The following CPED1 variants were observed in gnomAD, a reference collection of about 807,000 sequenced individuals.
The protein encoded by CPED1 is cadherin like and PC-esterase domain containing 1.
CPED1 carries 114 observed loss-of-function variants against 128.2 expected under a neutral mutation model. That is an observed-to-expected ratio of 0.89 (90% CI 0.76 to 1.04). The LOEUF (loss-of-function observed/expected upper bound fraction) is 1.04, where lower values mean the gene tolerates loss of function less well. CPED1 is among the 50% of genes least tolerant of loss of function. The pLI, the probability that CPED1 is intolerant of heterozygous loss-of-function variation, is 0.00. For synonymous variants in CPED1, 462 were observed against 426.7 expected (o/e 1.08, Z -1.02); for missense variants, 1,211 against 1,207.1 (o/e 1.00, Z -0.05).
chr7:121,236,917 A>T (rs1161937870), intron 17 of CPED1, 86 bp downstream of exon 17: 2 of 595,530 alleles, frequency 3.4e-6, no homozygotes, highest in East Asian at 3.0e-5. Context: ...ATCCTTTTAT[A>T]AAAAAACAAG....
At chr7:121,034,490 C>G (rs542471403) in intron 3 of CPED1, among the ~76,000 whole-genome samples, 2 of 152,148 alleles carry the variant, frequency 1.3e-5, no homozygotes, top group South Asian at 4.2e-4. Context: ...TCGTGATCTG[C>G]CCGCCTCTGC....
At chr7:121,109,504 A>G (rs1795055637) in intron 7 of CPED1, among the ~76,000 whole-genome samples, 2 of 152,140 alleles carry the variant, frequency 1.3e-5, no homozygotes, top group African/African-American at 2.4e-5. Flanking sequence ...TTATTTACAT[A>G]TATATCCGTA....
chr7:121,077,004 G>A (rs999147530), intron 5 of CPED1, among the ~76,000 whole-genome samples: 2 of 152,002 alleles, frequency 1.3e-5, no homozygotes, highest in African/African-American at 2.4e-5. Flanking sequence ...AGGATCCTCT[G>A]CCCTGTATCC....
intron 16 of CPED1, among the ~76,000 whole-genome samples, chr7:121,182,367 A>G (rs1164793796): frequency 6.6e-6 from 1 of 151,996 alleles, no homozygotes; most frequent in Non-Finnish European, 1.5e-5. Context: ...CTTAATAGAG[A>G]CAGTAACTGG....
chr7:121,075,995 C>G (rs895393019), intron 5 of CPED1, among the ~76,000 whole-genome samples: 1 of 152,158 alleles, frequency 6.6e-6, no homozygotes, highest in African/African-American at 2.4e-5. Flanking sequence ...ATGTGTTTGT[C>G]TCCCCCACAA....
chr7:121,013,208 T>G (rs1436733579), intron 2 of CPED1, among the ~76,000 whole-genome samples: 1 of 152,252 alleles, frequency 6.6e-6, no homozygotes, highest in Non-Finnish European at 1.5e-5. Flanking sequence ...AGGCTCAATG[T>G]GTATTTGGTT....
intron 3 of CPED1, among the ~76,000 whole-genome samples, chr7:121,043,032 C>A (rs1475334936): frequency 6.6e-6 from 1 of 152,158 alleles, no homozygotes. Context: ...CTTCTCAGTG[C>A]AGAAAAGGCA....
intron 16 of CPED1, among the ~76,000 whole-genome samples, chr7:121,153,100 G>A (rs1395887778): frequency 6.6e-6 from 1 of 152,116 alleles, no homozygotes; most frequent in East Asian, 1.9e-4. Flanking sequence ...TAAGGATAAG[G>A]ATGAGGGGAT....
At chr7:121,085,800 C>A (rs1034601006) in intron 5 of CPED1, among the ~76,000 whole-genome samples, 1 of 152,084 alleles carries the variant, frequency 6.6e-6, no homozygotes, top group African/African-American at 2.4e-5. Context: ...TTTAAAAGAA[C>A]AACAACAAAA....
chr7:121,064,905 G>A (rs996018335), intron 5 of CPED1, among the ~76,000 whole-genome samples: 4 of 152,056 alleles, frequency 2.6e-5, no homozygotes, highest in Admixed American at 6.6e-5. Flanking sequence ...AAAAATGATG[G>A]CCTACTTTAA....
chr7:121,242,805 C>T (rs1309349171), intron 17 of CPED1, among the ~76,000 whole-genome samples: 2 of 152,056 alleles, frequency 1.3e-5, no homozygotes, highest in Non-Finnish European at 2.9e-5. Flanking sequence ...TTTCTCATCT[C>T]CTTTCCCTCC....
chr7:121,218,778 C>T (rs1413554480), intron 16 of CPED1, among the ~76,000 whole-genome samples: 1 of 151,938 alleles, frequency 6.6e-6, no homozygotes, highest in Non-Finnish European at 1.5e-5. Context: ...ATGGCTGCAG[C>T]AAACCACCAT....
At chr7:121,160,339 C>T (rs539955688) in intron 16 of CPED1, among the ~76,000 whole-genome samples, 3 of 152,220 alleles carry the variant, frequency 2.0e-5, no homozygotes, top group African/African-American at 7.2e-5. Context: ...AAGAAGGCCT[C>T]CTTAGCCTCA....
chr7:121,064,169 G>T (rs1334533315), intron 4 of CPED1, 69 bp from the exon 5 acceptor site: 2 of 1,043,290 alleles, frequency 1.9e-6, no homozygotes, highest in African/African-American at 1.6e-5. Context: ...TGGGTTTTTT[G>T]TGTTTGCTTG....
chr7:121,065,084 G>A (rs993382428), intron 5 of CPED1, among the ~76,000 whole-genome samples: 2 of 152,038 alleles, frequency 1.3e-5, no homozygotes, highest in African/African-American at 4.8e-5. Flanking sequence ...TTGTCTCCTA[G>A]TTGAATCAGG....
chr7:121,109,981 AG>A (rs1795067604), intron 7 of CPED1, among the ~76,000 whole-genome samples: 1 of 152,316 alleles, frequency 6.6e-6, no homozygotes, highest in East Asian at 1.9e-4. Flanking sequence ...TAAAGGAGAG[AG>A]AAATAAATCA....
At chr7:121,231,866 G>A (rs17285023) in intron 16 of CPED1, among the ~76,000 whole-genome samples, 70,837 of 152,004 alleles carry the variant, frequency 0.47, 19,116 homozygotes, top group East Asian at 0.88. Flanking sequence ...TCCCTGGCTT[G>A]AATGAAATAT....
At position 121,097,719 on chromosome 7, in the gene CPED1, C is replaced by G. The variant is rs761423033; in HGVS notation, c.637C>G (p.Pro213Ala). 1 of 1,613,644 alleles carries G rather than the reference C, an allele frequency of 6.2e-7. No homozygotes were observed. Among genetic ancestry groups the G allele is most frequent in the East Asian group, 2.2e-5 (1 of 44,888 alleles). Residue 213 changes from proline to alanine, a missense_variant, in exon 6 of 23, where the codon CCC becomes GCC. Transcript: ENST00000310396. ...TTCAGAACTGCAACTTCCAGTGAGT[C>G]CCTCTGTGTGTCTGGATCAGGGAAT... is the stretch of plus-strand genomic sequence containing the variant. Reference protein sequence around the residue: ...RFPELQLPVSPSVCLDQGMQL... With the variant: ...RFPELQLPVSASVCLDQGMQL...
intron 22 of CPED1, among the ~76,000 whole-genome samples, chr7:121,294,798 CT>C (rs1464413120): frequency 7.3e-6 from 1 of 137,562 alleles, no homozygotes; most frequent in East Asian, 2.3e-4. Flanking sequence ...TTACTTTAGC[CT>C]TCTAAGCAAA....
Sources: gnomAD v4.1 joint callset for allele counts (sites outside exome capture counted in the v4.1 genomes callset) on GRCh38, gnomAD v4.1.1 for gene constraint, MANE v1.5 for transcripts, NCBI Gene and HGNC (gene_info 2026-07-23, HGNC 2026-07-21) for gene names.